ZNF521: variants seen among roughly 807,000 people sequenced by gnomAD.
The protein encoded by ZNF521 is zinc finger protein 521, also known as LYST-interacting protein 3.
In ZNF521, 14 loss-of-function variants were observed where a neutral mutation model predicts 105.5. The observed-to-expected ratio is 0.13, with a 90% CI of 0.09 to 0.21. The LOEUF (loss-of-function observed/expected upper bound fraction) is 0.21. Ranked by LOEUF, ZNF521 falls within the 10% of genes least tolerant of loss-of-function variation. The probability of loss-of-function intolerance (pLI) is 1.00; values close to 1 mark genes in which losing one functional copy is unlikely to be tolerated. For missense variants in ZNF521, 1,233 were observed against 1,629.7 expected (o/e 0.76, Z 4.19); for synonymous variants, 635 against 606.0 (o/e 1.05, Z -0.70).
intron 7 of ZNF521, among the ~76,000 whole-genome samples, chr18:25,072,786 G>A (rs2033259376): frequency 1.3e-5 from 2 of 152,138 alleles, no homozygotes; most frequent in South Asian, 4.2e-4. Flanking sequence ...GCTTTGATAG[G>A]CAATACTGTC....
rs34529787 is a variant in ZNF521 at position 25,294,853 on chromosome 18, C to CAAAAAAA, written c.220+27148_220+27154dup. On this transcript the variant is annotated intron_variant, in intron 3 of 7. Coordinates refer to ENST00000361524, the MANE Select transcript of ZNF521 (RefSeq NM_015461.3). ...CTGGCGACAGAGCAAGATTCTGTCTCAAAAAAAAAAAAAAAAAAAAAAAAA... is the reference window on the plus strand; with the variant it reads ...CTGGCGACAGAGCAAGATTCTGTCTCAAAAAAAAAAAAAAAAAAAAAAAAAAAAAAAA... 3.9e-4 allele frequency among the ~76,000 whole-genome samples: 23 copies of CAAAAAAA among 59,528 alleles called. 2 individuals are homozygous for CAAAAAAA. The highest frequency in any genetic ancestry group is 1.5e-3 in the East Asian group (2 of 1,360). The allele number at this position is 59,528 out of a possible 152,430, so 39.1% of individuals were successfully genotyped here. A position where few individuals can be genotyped will look rare whatever the true frequency, so the allele number is the denominator to read the frequency against.
rs539437756 is a variant in ZNF521, at chr18:25,349,703, C to T, written c.40+1204G>A. Among the ~76,000 whole-genome samples the T allele has an allele frequency of 6.6e-5, 10 of 151,676 alleles. No individual in the cohort carries two copies. In the South Asian group the frequency reaches 1.2e-3, roughly 19 times the overall value. On this transcript the variant is annotated intron_variant, in intron 2 of 7. Transcript: ENST00000361524. ...AACCGGGGCCACGGGGCGCCGCGGC[C>T]CGGCAGCCAGGAGGAAGAGGATGCT...
chr18:25,205,222 C>G (rs2036060347), intron 4 of ZNF521, among the ~76,000 whole-genome samples: 1 of 146,584 alleles, frequency 6.8e-6, no homozygotes, highest in Non-Finnish European at 1.5e-5. Context: ...GAATTTGTCT[C>G]TTGCTACTCA....
chr18:25,181,727 T>C (rs1005052343), intron 5 of ZNF521, among the ~76,000 whole-genome samples: 2 of 152,156 alleles, frequency 1.3e-5, no homozygotes, highest in Non-Finnish European at 2.9e-5. Context: ...TGAGGAATGA[T>C]CCCAGGAACA....
chr18:25,323,817 C>T (rs1913062385), intron 2 of ZNF521, among the ~76,000 whole-genome samples: 1 of 152,070 alleles, frequency 6.6e-6, no homozygotes, highest in Non-Finnish European at 1.5e-5. Context: ...TGTTCTAGAG[C>T]TTTCCTTCAC....
At chr18:25,177,819 A>C (rs550281391) in intron 5 of ZNF521, among the ~76,000 whole-genome samples, 1 of 152,310 alleles carries the variant, frequency 6.6e-6, no homozygotes, top group Admixed American at 6.5e-5. Context: ...GTTGGCAATG[A>C]CCTCACATCC....
chr18:25,267,912 A>T (rs112224360), intron 3 of ZNF521, among the ~76,000 whole-genome samples: 1 of 152,236 alleles, frequency 6.6e-6, no homozygotes, highest in African/African-American at 2.4e-5. Context: ...CAAGGGAACA[A>T]AACTAGACAG....
Position 25,226,617 on chromosome 18 carries a change from T to C in ZNF521, c.1301A>G (p.Glu434Gly), listed in dbSNP as rs778175675. 112 of 1,614,086 alleles carry C rather than the reference T, an allele frequency of 6.9e-5. No individual in the cohort carries two copies. Among genetic ancestry groups the C allele is most frequent in the Non-Finnish European group, 9.4e-5 (111 of 1,180,044 alleles). Reference protein sequence around the residue: ...HLKTMHLDKPEQAHICQYCLE... With the variant: ...HLKTMHLDKPGQAHICQYCLE... ...GCAATACTGACAAATATGGGCCTGT[T>C]CTGGCTTATCTAAGTGCATAGTTTT... The change falls in exon 4 of 8, where the codon GAA becomes GGA. Residue 434 changes from glutamate to glycine, a missense_variant. Physicochemically the swap from Glu to Gly is moderately conservative, Grantham distance 98. This residue lies in a region of ZNF521 where 380 missense variants were observed against 478.0 expected (regional missense o/e 0.80). Coordinates refer to ENST00000361524, the MANE Select transcript of ZNF521 (RefSeq NM_015461.3). This position sits in a 1 kb window ranked among gnomAD's most constrained non-coding sequence, Gnocchi z 4.1.
At chr18:25,326,893 C>T (rs1913250782) in intron 2 of ZNF521, among the ~76,000 whole-genome samples, 1 of 152,174 alleles carries the variant, frequency 6.6e-6, no homozygotes, top group Non-Finnish European at 1.5e-5. Context: ...ACAGTTTGTT[C>T]TCTGATCATA....
intron 7 of ZNF521, among the ~76,000 whole-genome samples, chr18:25,066,122 G>T (rs991950103): frequency 6.6e-6 from 1 of 152,202 alleles, no homozygotes; most frequent in Admixed American, 6.5e-5. Context: ...GCAGACCACG[G>T]AGGTCTCTTA....
chr18:25,313,335 C>CAAA (rs34596950), intron 3 of ZNF521, among the ~76,000 whole-genome samples: 25 of 143,030 alleles, frequency 1.7e-4, no homozygotes, highest in Non-Finnish European at 1.5e-4. Context: ...AAGTTTTCTG[C>CAAA]AAAAAAAAAA....
chr18:25,284,484 A>G (rs1333847174), intron 3 of ZNF521, among the ~76,000 whole-genome samples: 3 of 152,228 alleles, frequency 2.0e-5, no homozygotes, highest in Admixed American at 2.0e-4. Flanking sequence ...CAGCAAAGTC[A>G]TCTCATCAGA....
intron 7 of ZNF521, chr18:25,082,563 T>C: frequency 2.2e-6 from 1 of 447,754 alleles, no homozygotes; most frequent in Non-Finnish European, 4.5e-6. Context: ...TGGCCTGGTG[T>C]GATGGCTCAC....
Position 25,227,147 on chromosome 18 carries a change from G to A in ZNF521, c.771C>T (p.Phe257=). ...KCSQCEEGFD[F]PEDLQKHIAE... is the part of the protein sequence containing the mutation. ...CAATGTGTTTTTGGAGGTCTTCCGG[G>A]AAGTCAAAGCCTTCCTCACACTGAC... The change falls in exon 4 of 8, where the codon TTC becomes TTT. Residue 257 remains phenylalanine, a synonymous_variant. Transcript: ENST00000361524. The surrounding 1 kb of genome is among the most constrained non-coding windows in gnomAD (Gnocchi z 5.7). 2.5e-6 allele frequency: 4 copies of A among 1,614,114 alleles called. No homozygotes were observed. Among genetic ancestry groups the A allele is most frequent in the Non-Finnish European group, 3.4e-6 (4 of 1,180,012 alleles).
intron 3 of ZNF521, among the ~76,000 whole-genome samples, chr18:25,283,202 C>G (rs963911043): frequency 2.6e-5 from 4 of 152,168 alleles, no homozygotes; most frequent in African/African-American, 9.7e-5. Flanking sequence ...AAAGAGCTTC[C>G]ACCAGGCCCC....
At chr18:25,232,631 T>C (rs1425315151) in intron 3 of ZNF521, among the ~76,000 whole-genome samples, 3 of 152,208 alleles carry the variant, frequency 2.0e-5, no homozygotes, top group African/African-American at 7.2e-5. Context: ...GTTCCAAACA[T>C]TAAATTATCA....
intron 3 of ZNF521, among the ~76,000 whole-genome samples, chr18:25,281,263 T>C (rs980789338): frequency 2.6e-5 from 4 of 152,136 alleles, no homozygotes; most frequent in African/African-American, 9.7e-5. Flanking sequence ...CGTGAGGAAA[T>C]TATGCTTGAT....
intron 5 of ZNF521, among the ~76,000 whole-genome samples, chr18:25,095,597 A>C (rs2033835587): frequency 6.6e-6 from 1 of 152,130 alleles, no homozygotes; most frequent in South Asian, 2.1e-4. Flanking sequence ...CTTGTAGGGT[A>C]CTTTGAAATT....
chr18:25,320,972 C>T (rs1438333331), intron 3 of ZNF521, among the ~76,000 whole-genome samples: 1 of 152,202 alleles, frequency 6.6e-6, no homozygotes, highest in Non-Finnish European at 1.5e-5. Context: ...TTTAATCCAA[C>T]ATTCCACAAT....
Sources: allele counts gnomAD v4.1 joint callset (sites outside exome capture counted in the v4.1 genomes callset), GRCh38; gene constraint gnomAD v4.1.1; regional missense constraint gnomAD v4.1.1; non-coding constraint Gnocchi (gnomAD v3.1); transcripts MANE v1.5; gene names NCBI Gene and HGNC (gene_info 2026-07-23, HGNC 2026-07-21).